Variants in ATP5F1A observed in about 807,000 individuals in gnomAD.
ATP5F1A encodes the protein ATP synthase F1 subunit alpha.
A neutral mutation model predicts 57.4 loss-of-function variants in ATP5F1A; 24 were observed. That is an observed-to-expected ratio of 0.42 (90% CI 0.30 to 0.59). The LOEUF is 0.59. ATP5F1A is among the 20% of genes least tolerant of loss of function. ATP5F1A has a pLI of 0.19. For missense variants in ATP5F1A, 494 were observed against 707.9 expected, an observed-to-expected ratio of 0.70 and a Z score of 3.43; for synonymous variants, 251 against 255.5, an observed-to-expected ratio of 0.98 and a Z score of 0.17.
upstream of ATP5F1A, chr18:46,098,332 C>T (rs1911137474): frequency 1.4e-6 from 2 of 1,440,574 alleles, no homozygotes; most frequent in Non-Finnish European, 9.2e-7. Flanking sequence ...AGCCGGCCCA[C>T]CTGACCCGGA....
At chr18:46,102,817 G>A (rs2144234712), upstream of ATP5F1A, among the ~76,000 whole-genome samples, 1 of 152,166 alleles carries the variant, frequency 6.6e-6, no homozygotes, top group East Asian at 1.9e-4. Flanking sequence ...GTGTGGTGGT[G>A]CACGCCTATA....
chr18:46,090,019 C>A, intron 3 of ATP5F1A, 23 bp from the exon 4 acceptor site: 2 of 1,424,518 alleles, frequency 1.4e-6, no homozygotes, highest in Non-Finnish European at 1.9e-6. Context: ...CACAATTGAA[C>A]ATCAATGAAG....
At chr18:46,097,350 A>T (rs187541622) in intron 1 of ATP5F1A, among the ~76,000 whole-genome samples, 1 of 152,158 alleles carries the variant, frequency 6.6e-6, no homozygotes, top group Non-Finnish European at 1.5e-5. Flanking sequence ...TTTACACTGA[A>T]ATCATGTTAA....
intron 2 of ATP5F1A, among the ~76,000 whole-genome samples, chr18:46,094,308 A>G (rs1450665312): frequency 1.3e-5 from 2 of 151,958 alleles, no homozygotes; most frequent in Non-Finnish European, 2.9e-5. Context: ...CCACTTCTCT[A>G]CTGCATCTGT....
chr18:46,089,419 C>A, intron 5 of ATP5F1A, 147 bp downstream of exon 5: 1 of 949,562 alleles, frequency 1.1e-6, no homozygotes, highest in Non-Finnish European at 1.6e-6. Flanking sequence ...GGGGCTGGCC[C>A]CCTTCACTTC....
chr18:46,097,702 G>T, intron 1 of ATP5F1A: 1 of 528,206 alleles, frequency 1.9e-6, no homozygotes, highest in Non-Finnish European at 2.4e-6. Flanking sequence ...TGAGCTCCAG[G>T]CAGAGGTGAA....
chr18:46,101,161 A>T (rs1911263794), upstream of ATP5F1A, among the ~76,000 whole-genome samples: 1 of 152,206 alleles, frequency 6.6e-6, no homozygotes, highest in African/African-American at 2.4e-5. Context: ...GAGCAATGTT[A>T]TGTGCCCTGA....
upstream of ATP5F1A, chr18:46,098,353 CT>C: frequency 7.3e-7 from 1 of 1,367,418 alleles, no homozygotes; most frequent in South Asian, 1.6e-5. Flanking sequence ...AGTACTGCCC[CT>C]CGCGTTCACC....
intron 1 of ATP5F1A, 46 bp from the exon 2 acceptor site, chr18:46,095,177 T>C (rs1234269878): frequency 1.9e-6 from 3 of 1,578,990 alleles, no homozygotes; most frequent in Non-Finnish European, 2.6e-6. Context: ...ACAAAGCCTT[T>C]ATAAAACTTA....
chr18:46,084,116 T>C lies in ATP5F1A; in HGVS notation c.*166A>G. 3 of 552,782 alleles carry C rather than the reference T, an allele frequency of 5.4e-6. No individual in the cohort carries two copies. Among genetic ancestry groups the C allele is most frequent in the Non-Finnish European group, 9.0e-6 (3 of 333,504 alleles). 34.2% of individuals were successfully genotyped at this position (552,782 alleles called of 1,614,324 possible). On this transcript the variant is annotated 3_prime_UTR_variant, in exon 12 of 12. Coordinates refer to ENST00000398752, the MANE Select transcript of ATP5F1A (RefSeq NM_004046.6). Reference sequence around the variant, plus strand: ...CCAATTTCTCAATTTGATCTTGGTTTTAAAGAATAACACAAATGACAGAAA... The same window carrying C: ...CCAATTTCTCAATTTGATCTTGGTTCTAAAGAATAACACAAATGACAGAAA...
chr18:46,091,840 T>C lies in ATP5F1A; in HGVS notation c.151A>G (p.Met51Val). Residue 51 changes from methionine (M) to valine (V), a missense_variant, in exon 3 of 12, where the codon ATG becomes GTG. Around this residue, in one of 6 missense-constraint regions of ATP5F1A, gnomAD observed 142 missense variants for 137.5 expected, o/e 1.03. Coordinates refer to ENST00000398752, the MANE Select transcript of ATP5F1A (RefSeq NM_004046.6). ...ATACGCTCTTCAAGAATAGAGGACA[T>C]CTCAGCAGTCCCTATGGAAGACAAT... is the stretch of plus-strand genomic sequence containing the variant. ...THLQKTGTAE[M>V]SSILEERILG... 6.2e-7 allele frequency: 1 copy of C among 1,611,682 alleles called. No homozygotes were observed. The highest frequency in any genetic ancestry group is 8.5e-7 in the Non-Finnish European group (1 of 1,179,502).
In ATP5F1A at chr18:46,091,802, A is replaced by T. The variant is rs752492924; in HGVS notation, c.189T>A (p.Asp63Glu). Residue 63 changes from aspartate (D) to glutamate (E), a missense_variant, in exon 3 of 12, where the codon GAT becomes GAA. Coordinates refer to ENST00000398752, the MANE Select transcript of ATP5F1A (RefSeq NM_004046.6). ...SILEERILGA[D>E]TSVDLEETGR... ...CAGTTTCTTCAAGATCAACAGAGGT[A>T]TCAGCTCCAAGAATACGCTCTTCAA... 1.2e-6 allele frequency: 2 copies of T among 1,613,882 alleles called. No homozygotes were observed. The highest frequency in any genetic ancestry group is 4.5e-5 in the East Asian group (2 of 44,884).
chr18:46,089,771 G>C, intron 4 of ATP5F1A, 39 bp from the exon 5 acceptor site: 1 of 1,610,764 alleles, frequency 6.2e-7, no homozygotes, highest in East Asian at 2.2e-5. Flanking sequence ...AGCATAATCA[G>C]TTTTGATGTT....
chr18:46,091,080 A>T (rs1442597969), intron 3 of ATP5F1A, among the ~76,000 whole-genome samples: 1 of 152,252 alleles, frequency 6.6e-6, no homozygotes, highest in Non-Finnish European at 1.5e-5. Flanking sequence ...AGTAGACATT[A>T]CCAAGAGTAT....
upstream of ATP5F1A, among the ~76,000 whole-genome samples, chr18:46,098,610 C>T (rs952156572): frequency 6.6e-6 from 1 of 152,070 alleles, no homozygotes; most frequent in African/African-American, 2.4e-5. Context: ...AGGATGAGGG[C>T]CTCACCCGTC....
intron 6 of ATP5F1A, 48 bp downstream of exon 6, chr18:46,088,061 G>A: frequency 6.4e-7 from 1 of 1,569,218 alleles, no homozygotes; most frequent in Non-Finnish European, 8.6e-7. Flanking sequence ...ACAATCAGCA[G>A]CAATGGGACT....
chr18:46,090,156 T>C (rs1053253794), intron 3 of ATP5F1A, among the ~76,000 whole-genome samples, 160 bp from the exon 4 acceptor site: 1 of 152,172 alleles, frequency 6.6e-6, no homozygotes, highest in African/African-American at 2.4e-5. Context: ...CAAACAACCC[T>C]CTCTGATTAA....
At chr18:46,098,362 A>AGGGGGGGGGGGGG, upstream of ATP5F1A, 2 of 1,281,380 alleles carry the variant, frequency 1.6e-6, no homozygotes, top group Non-Finnish European at 2.0e-6. Flanking sequence ...CCTCGCGTTC[A>AGGGGGGGGGGGGG]CCACCTCTCC....
chr18:46,086,941 G>C (rs953686186), intron 8 of ATP5F1A, 67 bp downstream of exon 8: 3 of 1,518,280 alleles, frequency 2.0e-6, no homozygotes, highest in African/African-American at 1.4e-5. Context: ...TATACCATTA[G>C]TCTCAACCAA....
Sources: gnomAD v4.1 joint callset for allele counts (sites outside exome capture counted in the v4.1 genomes callset) on GRCh38, gnomAD v4.1.1 for gene constraint, gnomAD v4.1.1 regional missense constraint, MANE v1.5 for transcripts, NCBI Gene and HGNC (gene_info 2026-07-23, HGNC 2026-07-21) for gene names.